CALB1: variants seen among roughly 807,000 people sequenced by gnomAD.
CALB1 encodes calbindin 1, also known as calbindin.
A neutral mutation model predicts 46.7 loss-of-function variants in CALB1; 16 were observed. That is an observed-to-expected ratio of 0.34 (90% confidence interval 0.23 to 0.52). The LOEUF is 0.52. Ranked by LOEUF, CALB1 falls within the 20% of genes least tolerant of loss-of-function variation. The pLI, the probability that CALB1 is intolerant of heterozygous loss-of-function variation, is 0.95. For missense variants in CALB1, 224 were observed against 300.3 expected (o/e 0.75, Z 1.88); for synonymous variants, 90 against 112.8 (o/e 0.80, Z 1.28).
intron 2 of CALB1, 21 bp from the exon 3 acceptor site, chr8:90,078,468 G>A: frequency 2.1e-6 from 3 of 1,407,228 alleles, no homozygotes; most frequent in Non-Finnish European, 3.0e-6. Flanking sequence ...ATAAAAGCAG[G>A]TAGGAGGTTT....
chr8:90,066,736 G>T (rs1394965729), intron 5 of CALB1, among the ~76,000 whole-genome samples: 1 of 151,982 alleles, frequency 6.6e-6, no homozygotes, highest in African/African-American at 2.4e-5. Flanking sequence ...ATAAATAAAA[G>T]CTTTACAAAG....
chr8:90,061,496 A>G (rs1279159769), intron 9 of CALB1: 1 of 152,186 alleles, frequency 6.6e-6, no homozygotes, highest in Non-Finnish European at 1.5e-5. Flanking sequence ...AGACCTCACA[A>G]AAACTGTTGG....
intron 2 of CALB1, among the ~76,000 whole-genome samples, chr8:90,081,189 AT>A (rs2130255148): frequency 6.6e-6 from 1 of 152,318 alleles, no homozygotes; most frequent in South Asian, 2.1e-4. Flanking sequence ...AAGAATGGTT[AT>A]TTGTTTAATT....
At chr8:90,061,463 T>G (rs1814295806) in intron 9 of CALB1, 1 of 152,170 alleles carries the variant, frequency 6.6e-6, no homozygotes, top group African/African-American at 2.4e-5. Context: ...GCAGATATTA[T>G]TTTTATAGAG....
intron 6 of CALB1, chr8:90,064,011 G>A (rs1341495879): frequency 2.0e-5 from 3 of 151,858 alleles, no homozygotes; most frequent in Non-Finnish European, 4.4e-5. Flanking sequence ...ACATCCAGAT[G>A]TAAACACACT....
Position 90,062,806 on chromosome 8 carries a change from A to G in CALB1, c.600+294T>C, listed in dbSNP as rs116855459. On this transcript the variant is annotated intron_variant, in intron 9 of 10. Transcript: ENST00000265431. ...TTAAAAATAGAACTGCATATGATCAATCAATCTCAGCACAAGACAAATTCT... is the reference window on the plus strand; with the variant it reads ...TTAAAAATAGAACTGCATATGATCAGTCAATCTCAGCACAAGACAAATTCT... The G allele has an allele frequency of 7.2e-3, 1,870 of 261,510 alleles. 7 individuals carry two copies. Among genetic ancestry groups the G allele is most frequent in the Non-Finnish European group, 0.011 (1,513 of 137,512 alleles). The allele number at this position is 261,510 out of a possible 1,614,324, so 16.2% of individuals were successfully genotyped here.
At chr8:90,075,183 G>A (rs1814602986) in intron 3 of CALB1, among the ~76,000 whole-genome samples, 1 of 152,170 alleles carries the variant, frequency 6.6e-6, no homozygotes, top group Non-Finnish European at 1.5e-5. Flanking sequence ...GCAAATGCAT[G>A]TTGTTAGAAA....
chr8:90,078,572 TA>T lies in CALB1; in HGVS notation c.157-126del, dbSNP rs756725085. 1.8e-3 allele frequency: 1,035 copies of T among 590,226 alleles called. 2 individuals are homozygous for T. Among genetic ancestry groups the T allele is most frequent in the Non-Finnish European group, 2.4e-3 (812 of 334,006 alleles). 36.6% of individuals were successfully genotyped at this position (590,226 alleles called of 1,614,324 possible). On this transcript the variant is annotated intron_variant, in intron 2 of 10. Transcript: ENST00000265431. Reference sequence around the variant, plus strand: ...ACCATTTAGAAATATGCATAATGATTAACTATTCTCAAAAAAATTAAAGGCA... The same window carrying T: ...ACCATTTAGAAATATGCATAATGATTACTATTCTCAAAAAAATTAAAGGCA...
intron 2 of CALB1, among the ~76,000 whole-genome samples, chr8:90,079,916 A>G (rs1814697477): frequency 6.6e-6 from 1 of 151,982 alleles, no homozygotes; most frequent in African/African-American, 2.4e-5. Flanking sequence ...AGAAATGCAA[A>G]AAGCCTGGTT....
intron 5 of CALB1, among the ~76,000 whole-genome samples, chr8:90,068,535 A>G (rs935701544): frequency 2.0e-5 from 3 of 152,170 alleles, no homozygotes; most frequent in South Asian, 4.1e-4. Context: ...ACTTCTCTCA[A>G]CTCTTCCTCA....
chr8:90,061,766 T>C (rs1362302337), intron 9 of CALB1: 1 of 152,100 alleles, frequency 6.6e-6, no homozygotes, highest in Non-Finnish European at 1.5e-5. Flanking sequence ...TTAATATTGT[T>C]AAAATGTCTA....
chr8:90,070,798 T>C (rs751575524), intron 3 of CALB1, among the ~76,000 whole-genome samples: 5 of 151,936 alleles, frequency 3.3e-5, no homozygotes, highest in African/African-American at 4.8e-5. Flanking sequence ...TAAAAAAATG[T>C]AATTAGCTTT....
chr8:90,066,944 C>T (rs2130230398), intron 5 of CALB1, among the ~76,000 whole-genome samples: 1 of 152,134 alleles, frequency 6.6e-6, no homozygotes, highest in East Asian at 1.9e-4. Context: ...CCTAAATGTT[C>T]CAGTTCTGGG....
At position 90,078,425 on chromosome 8, in the gene CALB1, G is replaced by C; in HGVS notation, c.179C>G (p.Thr60Ser). ...TCTTTGCCCATACTGATCCACAAAA[G>C]TTTTCATTTCAGGTGATAACTCCTA... ...AGLELSPEMKTFVDQYGQRDD... is the reference protein window; with the variant it reads ...AGLELSPEMKSFVDQYGQRDD... Residue 60 changes from threonine (T) to serine (S), a missense_variant, in exon 3 of 11, where the codon ACT (threonine) becomes AGT (serine). Physicochemically the swap from Thr to Ser is moderately conservative, Grantham distance 58. Coordinates refer to ENST00000265431, the MANE Select transcript of CALB1 (RefSeq NM_004929.4). 6.3e-7 allele frequency: 1 copy of C among 1,589,174 alleles called. No homozygotes were observed. Among genetic ancestry groups the C allele is most frequent in the Non-Finnish European group, 8.6e-7 (1 of 1,164,016 alleles).
chr8:90,063,561 G>T (rs1224716818), intron 6 of CALB1, 100 bp from the exon 7 acceptor site: 11 of 926,994 alleles, frequency 1.2e-5, no homozygotes, highest in Non-Finnish European at 1.2e-5. Flanking sequence ...TCAACTACTT[G>T]TATATATGCA....
chr8:90,076,724 T>A (rs987301350), intron 3 of CALB1, among the ~76,000 whole-genome samples: 13 of 152,058 alleles, frequency 8.5e-5, no homozygotes, highest in Admixed American at 8.5e-4. Flanking sequence ...TCATTAAACC[T>A]CCAGGACAAT....
chr8:90,065,981 A>T lies in CALB1; in HGVS notation c.373-6T>A, dbSNP rs1814389043. ...AGCAGGTCCTTTAGAAAGTTCTGTT[A>T]AAACAAAGAACACTTAGATTAATTT... On this transcript the variant is annotated splice_polypyrimidine_tract_variant and splice_region_variant and intron_variant, in intron 5 of 10. Transcript: ENST00000265431. The T allele has an allele frequency of 6.3e-7, 1 of 1,580,406 alleles. No individual in the cohort carries two copies. Among genetic ancestry groups the T allele is most frequent in the Non-Finnish European group, 8.7e-7 (1 of 1,150,270 alleles).
At position 90,063,163 on chromosome 8, in the gene CALB1, G is replaced by A. The variant is rs1345217974; in HGVS notation, c.547-10C>T. ...CACACATTTTGATTCCCTAAAGATA[G>A]AGAAGAGAGTAAATGTTAAAATGTT... is the stretch of plus-strand genomic sequence containing the variant. On this transcript the variant is annotated splice_polypyrimidine_tract_variant and intron_variant, in intron 8 of 10. Coordinates refer to ENST00000265431, the MANE Select transcript of CALB1 (RefSeq NM_004929.4). 1 of 1,596,522 alleles carries A rather than the reference G, an allele frequency of 6.3e-7. No individual in the cohort carries two copies. Among genetic ancestry groups the A allele is most frequent in the Non-Finnish European group, 8.6e-7 (1 of 1,165,086 alleles).
In CALB1 at chr8:90,082,204, T is replaced by G; in HGVS notation, c.80-102A>C. Reference sequence around the variant, plus strand: ...ATCTTTCTGGCGACCCGAGAGGCTCTCTCTTGCCTGGACGTTGATTAACCA... The same window carrying G: ...ATCTTTCTGGCGACCCGAGAGGCTCGCTCTTGCCTGGACGTTGATTAACCA... On this transcript the variant is annotated intron_variant, in intron 1 of 10. Coordinates refer to ENST00000265431, the MANE Select transcript of CALB1 (RefSeq NM_004929.4). 3 of 1,002,816 alleles carry G rather than the reference T, an allele frequency of 3.0e-6. No homozygotes were observed. In the Admixed American group the frequency reaches 6.2e-5, roughly 21 times the overall value. 62.1% of individuals were successfully genotyped at this position (1,002,816 alleles called of 1,614,324 possible).
Sources: gnomAD v4.1 joint callset for allele counts (sites outside exome capture counted in the v4.1 genomes callset) on GRCh38, gnomAD v4.1.1 for gene constraint, MANE v1.5 for transcripts, NCBI Gene and HGNC (gene_info 2026-07-23, HGNC 2026-07-21) for gene names.